TNRC6B: variants seen among roughly 807,000 people sequenced by gnomAD.
TNRC6B encodes the protein trinucleotide repeat-containing gene 6B protein.
Under a neutral mutation model 203.6 loss-of-function variants are expected in TNRC6B, and 52 were observed. The ratio of observed to expected loss-of-function variants is 0.26; its 90% CI spans 0.20 to 0.32. The LOEUF is 0.32. TNRC6B is among the 10% of genes least tolerant of loss of function. The pLI is 1.00. For synonymous variants in TNRC6B, 838 were observed against 845.7 expected (o/e 0.99, Z 0.16); for missense variants, 1,923 against 2,286.2 (o/e 0.84, Z 3.24).
chr22:40,146,605 C>T (rs575432352), intron 3 of TNRC6B, among the ~76,000 whole-genome samples: 5 of 133,434 alleles, frequency 3.7e-5, no homozygotes, highest in African/African-American at 8.2e-5. Flanking sequence ...CTCGCTCTGT[C>T]GCCCAGGCTG....
intron 6 of TNRC6B, 141 bp from the exon 7 acceptor site, chr22:40,273,284 G>T: frequency 2.7e-6 from 2 of 742,856 alleles, no homozygotes; most frequent in Non-Finnish European, 4.1e-6. Flanking sequence ...TCTAAAAAAT[G>T]AGTAATAATA....
rs2071425191 is a variant in TNRC6B, at chr22:40,328,132, C to T, written c.*4891C>T. 1 of 152,194 alleles carries T rather than the reference C, an allele frequency of 6.6e-6. No individual in the cohort carries two copies. The highest frequency in any genetic ancestry group is 1.5e-5 in the Non-Finnish European group (1 of 68,048). The allele number at this position is 152,194 out of a possible 1,614,324, so 9.4% of individuals were successfully genotyped here. The stretch of plus-strand genomic sequence containing the variant: ...CATCTCTGATCCCTCAGTCCCCAAC[C>T]CTGGACGTGTTTCATTTACAACATT... On this transcript the variant is annotated 3_prime_UTR_variant, in exon 23 of 23. Transcript: ENST00000454349.
Position 40,331,385 on chromosome 22 carries a change from T to A in TNRC6B, c.*8144T>A, listed in dbSNP as rs562638846. 154 of 272,566 alleles carry A rather than the reference T, an allele frequency of 5.7e-4. No individual in the cohort carries two copies. Among genetic ancestry groups the A allele is most frequent in the African/African-American group, 3.2e-3 (150 of 46,338 alleles). 16.9% of individuals were successfully genotyped at this position (272,566 alleles called of 1,614,324 possible). A position where few individuals can be genotyped will look rare whatever the true frequency, so the allele number is the denominator to read the frequency against. ...AGTGTCTTTATTTGTTTTTATGTTT[T>A]AAACAATTTCACCTCTTCTCCCCAC... On this transcript the variant is annotated 3_prime_UTR_variant, in exon 23 of 23. Transcript: ENST00000454349.
intron 1 of TNRC6B, among the ~76,000 whole-genome samples, chr22:40,076,501 A>C (rs1242839691): frequency 6.6e-6 from 1 of 152,202 alleles, no homozygotes; most frequent in Non-Finnish European, 1.5e-5. Context: ...AATTTTAGAT[A>C]GACAGTTTCT....
At chr22:40,278,333 G>A (rs141244506) in intron 9 of TNRC6B, among the ~76,000 whole-genome samples, 39 of 151,916 alleles carry the variant, frequency 2.6e-4, no homozygotes, top group African/African-American at 8.9e-4. Flanking sequence ...ACCGAGGTGG[G>A]TGGATTACGA....
chr22:40,191,874 C>T (rs1303362877), intron 1 of TNRC6B, among the ~76,000 whole-genome samples: 1 of 152,232 alleles, frequency 6.6e-6, no homozygotes, highest in Non-Finnish European at 1.5e-5. Context: ...CCTCAGCCTC[C>T]CCAGTAGCTG....
At chr22:40,150,274 A>C (rs577644634) in intron 3 of TNRC6B, among the ~76,000 whole-genome samples, 1 of 152,292 alleles carries the variant, frequency 6.6e-6, no homozygotes, top group African/African-American at 2.4e-5. Flanking sequence ...GCTACTTGGG[A>C]GGCTGAGGCA....
rs1191620892 is a variant in TNRC6B at position 40,325,107 on chromosome 22, A to G, written c.*1866A>G. On this transcript the variant is annotated 3_prime_UTR_variant, in exon 23 of 23. Coordinates refer to ENST00000454349, the MANE Select transcript of TNRC6B (RefSeq NM_001162501.2). ...CAGTCTGCATTATGCTGTTTAACAT[A>G]AAGTGCCGACATTTTGTACCAGCAA... 3 of 152,596 alleles carry G rather than the reference A, an allele frequency of 2.0e-5. No homozygotes were observed. Among genetic ancestry groups the G allele is most frequent in the Non-Finnish European group, 4.4e-5 (3 of 68,046 alleles). 9.5% of individuals were successfully genotyped at this position (152,596 alleles called of 1,614,324 possible).
At chr22:40,250,835 T>A (rs2070181252) in intron 2 of TNRC6B, among the ~76,000 whole-genome samples, 2 of 152,194 alleles carry the variant, frequency 1.3e-5, no homozygotes, top group Non-Finnish European at 2.9e-5. Flanking sequence ...ATGGCTAATT[T>A]AGTTTCTGGG....
At chr22:40,254,642 C>G (rs1352403478) in intron 3 of TNRC6B, among the ~76,000 whole-genome samples, 2 of 152,200 alleles carry the variant, frequency 1.3e-5, no homozygotes, top group Non-Finnish European at 2.9e-5. Context: ...AATGCCAACA[C>G]TTTGGGAGGC....
intron 1 of TNRC6B, among the ~76,000 whole-genome samples, chr22:40,095,152 C>T (rs2068177920): frequency 1.3e-5 from 2 of 152,192 alleles, no homozygotes; most frequent in Non-Finnish European, 2.9e-5. Flanking sequence ...ATTATTACAG[C>T]AGCCTCATAA....
intron 15 of TNRC6B, among the ~76,000 whole-genome samples, chr22:40,303,665 A>G (rs2071054087): frequency 6.6e-6 from 1 of 152,136 alleles, no homozygotes; most frequent in Non-Finnish European, 1.5e-5. Context: ...TAATCCCAGC[A>G]CTTTGGGAGG....
chr22:40,284,430 G>T (rs569454012), intron 11 of TNRC6B, among the ~76,000 whole-genome samples: 1 of 152,260 alleles, frequency 6.6e-6, no homozygotes, highest in African/African-American at 2.4e-5. Context: ...TAATGGTGGT[G>T]ATTTCAATTC....
rs530099194 is a variant in TNRC6B at position 40,178,857 on chromosome 22, A to G, written c.5+717A>G. Among the ~76,000 whole-genome samples, 7 of 152,282 alleles carry G rather than the reference A, an allele frequency of 4.6e-5. No individual in the cohort carries two copies. The South Asian group carries it at 1.5e-3, about 32-fold the overall frequency. On this transcript the variant is annotated intron_variant, in intron 1 of 22. Transcript: ENST00000454349. ...TTTTATTTTGATCCTGGATTCAACC[A>G]AAGGGTAGGACTATGTTGTAAACAT...
rs188051276 is a variant in TNRC6B at position 40,058,465 on chromosome 22, C to T, written c.-121+13467C>T. ...GTGCTTTAGCACATTGTGGCGCCAG[C>T]CTGCGCTTCCTGAACTGGCCAGAGC... On this transcript the variant is annotated intron_variant, in intron 1 of 23. Coordinates refer to the TNRC6B transcript ENST00000301923. 8.8e-5 allele frequency among the ~76,000 whole-genome samples: 13 copies of T among 148,336 alleles called. No individual in the cohort carries two copies. In the East Asian group the frequency reaches 2.1e-3, roughly 24 times the overall value.
chr22:40,060,437 C>T (rs1407149926), intron 1 of TNRC6B, among the ~76,000 whole-genome samples: 3 of 152,098 alleles, frequency 2.0e-5, no homozygotes, highest in Non-Finnish European at 4.4e-5. Flanking sequence ...CCACCATGCC[C>T]AGCCAACCTA....
upstream of TNRC6B, among the ~76,000 whole-genome samples, chr22:40,174,444 G>T (rs1367324346): frequency 6.6e-6 from 1 of 152,078 alleles, no homozygotes; most frequent in Non-Finnish European, 1.5e-5. Flanking sequence ...GCGTCCCAAA[G>T]TGCTGGGATT....
intron 3 of TNRC6B, among the ~76,000 whole-genome samples, chr22:40,154,429 A>C (rs1398623537): frequency 6.6e-6 from 1 of 151,740 alleles, no homozygotes; most frequent in Non-Finnish European, 1.5e-5. Context: ...ACGTCATTGC[A>C]CTCCAACCTG....
rs977422398 is a variant in TNRC6B at position 40,286,506 on chromosome 22, C to CA, written c.3708+747dup. Among the ~76,000 whole-genome samples the CA allele has an allele frequency of 9.9e-4, 142 of 143,380 alleles. 1 individual carries two copies. The highest frequency in any genetic ancestry group is 6.2e-3 in the East Asian group (31 of 5,000). 94.1% of individuals were successfully genotyped at this position (143,380 alleles called of 152,430 possible). On this transcript the variant is annotated intron_variant, in intron 12 of 22. Transcript: ENST00000454349. Reference sequence around the variant, plus strand: ...TGGGTTATAGAGCGAGACTCCATTTCAAAAAAAAAAATAGAAAATGAGAAT... The same window carrying CA: ...TGGGTTATAGAGCGAGACTCCATTTCAAAAAAAAAAAATAGAAAATGAGAAT...
Sources: gnomAD v4.1 joint callset for allele counts (sites outside exome capture counted in the v4.1 genomes callset) on GRCh38, gnomAD v4.1.1 for gene constraint, MANE v1.5 for transcripts, NCBI Gene and HGNC (gene_info 2026-07-23, HGNC 2026-07-21) for gene names.